COIL: variants seen among roughly 807,000 people sequenced by gnomAD.
COIL encodes coilin, also known as coilin p80.
Under a neutral mutation model 51.6 loss-of-function variants are expected in COIL, and 28 were observed. The ratio of observed to expected loss-of-function variants is 0.54; its 90% CI spans 0.40 to 0.74. The LOEUF is 0.74. COIL is among the 30% of genes least tolerant of loss of function. The pLI, the probability that COIL is intolerant of heterozygous loss-of-function variation, is 0.00. For synonymous variants in COIL, 233 were observed against 255.8 expected (o/e 0.91, Z 0.85); for missense variants, 667 against 685.9 (o/e 0.97, Z 0.31).
At chr17:56,949,147 G>C (rs1910306682) in intron 4 of COIL, among the ~76,000 whole-genome samples, 1 of 151,900 alleles carries the variant, frequency 6.6e-6, no homozygotes, top group African/African-American at 2.4e-5. Flanking sequence ...TTTTAAAAAA[G>C]TAAAAATTAA....
chr17:56,949,872 CA>C lies in COIL; in HGVS notation c.1353+16del. ...AAGGGGAAAGGGAGGAGATAACTTA[CA>C]AAAAATAATACTTACCTGGATAATA... On this transcript the variant is annotated intron_variant, in intron 2 of 6. Coordinates refer to ENST00000240316, the MANE Select transcript of COIL (RefSeq NM_004645.3). 3 of 1,609,162 alleles carry C rather than the reference CA, an allele frequency of 1.9e-6. No homozygotes were observed. Among genetic ancestry groups the C allele is most frequent in the Non-Finnish European group, 2.5e-6 (3 of 1,177,456 alleles).
chr17:56,942,136 G>T lies in COIL; in HGVS notation c.1559-13C>A, dbSNP rs766150902. 1 of 1,595,414 alleles carries T rather than the reference G, an allele frequency of 6.3e-7. No individual in the cohort carries two copies. Among genetic ancestry groups the T allele is most frequent in the South Asian group, 1.1e-5 (1 of 90,728 alleles). ...GGTTCTCTCAAGGCTGAAACAAGAA[G>T]ATAGGGAGGAAAGAGAGTAAGTCAT... On this transcript the variant is annotated splice_polypyrimidine_tract_variant and intron_variant, in intron 5 of 6. Transcript: ENST00000240316.
chr17:56,942,068 C>T lies in COIL; in HGVS notation c.1614G>A (p.Glu538=), dbSNP rs1401265844. 1.2e-6 allele frequency: 2 copies of T among 1,614,064 alleles called. No individual in the cohort carries two copies. The highest frequency in any genetic ancestry group is 1.7e-6 in the Non-Finnish European group (2 of 1,180,020). ...DLVYHNENGA[E]VVEYAVTQES... ...CCTGTGTCACAGCGTACTCCACTAC[C>T]TCGGCTCCATTTTCATTGTGATAAA... Residue 538 remains glutamate, a synonymous_variant, in exon 6 of 7, where the codon GAG becomes GAA. Transcript: ENST00000240316.
chr17:56,949,859 A>T (rs756146934), intron 2 of COIL, 30 bp downstream of exon 2: 1 of 1,610,376 alleles, frequency 6.2e-7, no homozygotes, highest in Admixed American at 1.7e-5. Context: ...GGGGAAAGGG[A>T]GGAGATAACT....
Position 56,949,477 on chromosome 17 carries a change from T to A in COIL, c.1441-43A>T, listed in dbSNP as rs748604586. 64 of 1,579,770 alleles carry A rather than the reference T, an allele frequency of 4.1e-5. No homozygotes were observed. The East Asian group carries it at 1.4e-3, about 35-fold the overall frequency. On this transcript the variant is annotated intron_variant, in intron 3 of 6. Transcript: ENST00000240316. ...ACCCACAAATACATAAGCCCTCTTA[T>A]CCTCTCCCATTCCCACAGCTCCTCC...
chr17:56,939,141 C>T lies in COIL; in HGVS notation c.1661G>A (p.Trp554Ter). The T allele has an allele frequency of 6.3e-7, 1 of 1,590,124 alleles. No individual in the cohort carries two copies. Among genetic ancestry groups the T allele is most frequent in the South Asian group, 1.1e-5 (1 of 90,456 alleles). Residue 554 changes from tryptophan (W) to a stop codon, truncating the protein, a stop_gained, in exon 7 of 7, where the codon TGG (tryptophan) becomes TAG (stop). Transcript: ENST00000240316. LOFTEE classifies it high-confidence loss of function. ...VTQESKITVF[W>*]KELIDPRLII... ...CAGTCTTGGGTCAATCAACTCTTTC[C>T]AAAATACAGTGATCTGAGGAAAAAG...
At chr17:56,943,258 A>T (rs900124861) in intron 5 of COIL, among the ~76,000 whole-genome samples, 2 of 152,216 alleles carry the variant, frequency 1.3e-5, no homozygotes, top group African/African-American at 4.8e-5. Flanking sequence ...AATAGCTCAA[A>T]GAATTTGTTT....
At chr17:56,945,818 C>G (rs571742580) in intron 5 of COIL, among the ~76,000 whole-genome samples, 1 of 152,150 alleles carries the variant, frequency 6.6e-6, no homozygotes, top group Non-Finnish European at 1.5e-5. Flanking sequence ...CGGGTTCAAG[C>G]GATTCTCCTG....
Position 56,960,908 on chromosome 17 carries a change from C to G in COIL, c.112G>C (p.Val38Leu). The change falls in exon 1 of 7, where the codon GTC becomes CTC. Residue 38 changes from valine to leucine, a missense_variant. Coordinates refer to ENST00000240316, the MANE Select transcript of COIL (RefSeq NM_004645.3). Reference protein sequence around the residue: ...LLVDLNRCRVVTDLISLIRQR... With the variant: ...LLVDLNRCRVLTDLISLIRQR... ...CGGATGAGACTAATGAGATCTGTGA[C>G]GACTCGGCATCTGTTCAAGTCGACC... 6.2e-7 allele frequency: 1 copy of G among 1,614,210 alleles called. No homozygotes were observed. The highest frequency in any genetic ancestry group is 8.5e-7 in the Non-Finnish European group (1 of 1,180,024).
At chr17:56,959,880 T>G (rs1328992531) in intron 1 of COIL, among the ~76,000 whole-genome samples, 1 of 152,246 alleles carries the variant, frequency 6.6e-6, no homozygotes, top group Admixed American at 6.5e-5. Context: ...CCAAGTTTGA[T>G]TCTCCTGTCA....
In COIL at chr17:56,960,969, C is replaced by T. The variant is rs1273502509; in HGVS notation, c.51G>A (p.Pro17=). The change falls in exon 1 of 7, where the codon CCG becomes CCA. Residue 17 remains proline (P), a synonymous_variant. Coordinates refer to ENST00000240316, the MANE Select transcript of COIL (RefSeq NM_004645.3). ...AGGCCGTACAGTGCGGGGTAGCTGG[C>T]GGCGGGTAATCAAATTGAAGCCGTA... ...VRLRLQFDYP[P]PATPHCTAFW... 6.2e-7 allele frequency: 1 copy of T among 1,614,122 alleles called. No homozygotes were observed. Among genetic ancestry groups the T allele is most frequent in the East Asian group, 2.2e-5 (1 of 44,864 alleles).
chr17:56,960,950 T>A lies in COIL; in HGVS notation c.70A>T (p.Thr24Ser), dbSNP rs200921086. 1.6e-5 allele frequency: 26 copies of A among 1,614,042 alleles called. No individual in the cohort carries two copies. Among genetic ancestry groups the A allele is most frequent in the Non-Finnish European group, 2.1e-5 (25 of 1,179,986 alleles). ...AAGTCGACCAGAAGCCAGAAGGCCG[T>A]ACAGTGCGGGGTAGCTGGCGGCGGG... is the stretch of plus-strand genomic sequence containing the variant. ...DYPPPATPHC[T>S]AFWLLVDLNR... Residue 24 changes from threonine (T) to serine (S), a missense_variant, in exon 1 of 7, where the codon ACG (threonine) becomes TCG (serine). Transcript: ENST00000240316.
At chr17:56,959,107 G>T (rs899630387) in intron 1 of COIL, among the ~76,000 whole-genome samples, 7 of 152,182 alleles carry the variant, frequency 4.6e-5, no homozygotes, top group African/African-American at 1.4e-4. Context: ...TGCTTTGGGG[G>T]GCTGAGGTGA....
intron 1 of COIL, among the ~76,000 whole-genome samples, chr17:56,957,514 C>T (rs563556390): frequency 4.6e-5 from 7 of 150,840 alleles, no homozygotes; most frequent in East Asian, 2.0e-4. Flanking sequence ...CCTAGCTACT[C>T]GGGAGGCTGA....
At chr17:56,959,937 C>T (rs1258996138) in intron 1 of COIL, among the ~76,000 whole-genome samples, 1 of 152,240 alleles carries the variant, frequency 6.6e-6, no homozygotes, top group Non-Finnish European at 1.5e-5. Context: ...AGATTCCAGC[C>T]AGGCGCGGAG....
intron 5 of COIL, among the ~76,000 whole-genome samples, chr17:56,943,377 G>A (rs756132334): frequency 1.3e-5 from 2 of 152,210 alleles, no homozygotes; most frequent in African/African-American, 2.4e-5. Flanking sequence ...CTCACTGGCA[G>A]TGTCAACATT....
At chr17:56,946,360 G>T in intron 5 of COIL, 82 bp downstream of exon 5, 1 of 934,632 alleles carries the variant, frequency 1.1e-6, no homozygotes, top group South Asian at 1.5e-5. Flanking sequence ...CCAAGGAAGA[G>T]AACATCTCCT....
At chr17:56,954,606 G>A (rs960643336) in intron 1 of COIL, among the ~76,000 whole-genome samples, 3 of 151,970 alleles carry the variant, frequency 2.0e-5, no homozygotes, top group Admixed American at 6.6e-5. Flanking sequence ...TATTTGGCTT[G>A]AAGGTATGAC....
chr17:56,960,998 T>TA lies in COIL; in HGVS notation c.21dup (p.Arg8Ter). On this transcript the variant is annotated frameshift_variant, in exon 1 of 7. Transcript: ENST00000240316. LOFTEE classifies it high-confidence loss of function. ...GGGTAATCAAATTGAAGCCGTAGCC[T>TA]AACCGTCTCGGAAGCTGCCATCTTG... 1 of 1,613,470 alleles carries TA rather than the reference T, an allele frequency of 6.2e-7. No homozygotes were observed. Among genetic ancestry groups the TA allele is most frequent in the Non-Finnish European group, 8.5e-7 (1 of 1,179,658 alleles).
Sources: gnomAD v4.1 joint callset for allele counts (sites outside exome capture counted in the v4.1 genomes callset) on GRCh38, gnomAD v4.1.1 for gene constraint, MANE v1.5 for transcripts, NCBI Gene and HGNC (gene_info 2026-07-23, HGNC 2026-07-21) for gene names.